The following TAOK3 variants were observed in gnomAD, a reference collection of about 807,000 sequenced individuals.
The protein encoded by TAOK3 is serine/threonine-protein kinase TAO3.
In TAOK3, 40 loss-of-function variants were observed where a neutral mutation model predicts 120.4. That is an observed-to-expected ratio of 0.33 (90% confidence interval 0.26 to 0.43). The LOEUF (loss-of-function observed/expected upper bound fraction) is 0.43, where lower values mean the gene tolerates loss of function less well. TAOK3 is among the 20% of genes least tolerant of loss of function. The pLI, the probability that TAOK3 is intolerant of heterozygous loss-of-function variation, is 1.00. For missense variants in TAOK3, 821 were observed against 1,112.1 expected (o/e 0.74, Z 3.72); for synonymous variants, 355 against 387.5 (o/e 0.92, Z 0.99).
intron 7 of TAOK3, among the ~76,000 whole-genome samples, chr12:118,237,626 GTATC>G (rs1313995223): frequency 1.3e-5 from 2 of 151,902 alleles, no homozygotes; most frequent in Non-Finnish European, 2.9e-5. Flanking sequence ...ATCTTCCTAA[GTATC>G]TATATGAACT....
chr12:118,224,553 A>C (rs2039410233), intron 9 of TAOK3, among the ~76,000 whole-genome samples: 2 of 152,240 alleles, frequency 1.3e-5, no homozygotes, highest in African/African-American at 4.8e-5. Context: ...CCTGTAGTTT[A>C]AACAGAAGAG....
chr12:118,257,075 G>T (rs763836623), intron 2 of TAOK3, among the ~76,000 whole-genome samples: 1 of 152,080 alleles, frequency 6.6e-6, no homozygotes, highest in African/African-American at 2.4e-5. Context: ...TGACTTTACT[G>T]TCTTAATTTT....
intron 1 of TAOK3, among the ~76,000 whole-genome samples, chr12:118,329,829 CATAAAGATTTGT>C (rs1360440168): frequency 1.3e-5 from 2 of 152,122 alleles, no homozygotes; most frequent in African/African-American, 4.8e-5. Context: ...TTAAGATTTG[CATAAAGATTTGT>C]ATATAGCCAC....
chr12:118,166,837 C>T (rs375011730), intron 17 of TAOK3, among the ~76,000 whole-genome samples: 1 of 132,988 alleles, frequency 7.5e-6, no homozygotes, highest in Non-Finnish European at 1.6e-5. Flanking sequence ...TACACACACA[C>T]ACACACACAT....
At chr12:118,282,723 TG>T (rs1382317124) in intron 1 of TAOK3, among the ~76,000 whole-genome samples, 1 of 152,202 alleles carries the variant, frequency 6.6e-6, no homozygotes, top group South Asian at 2.1e-4. Context: ...TCTGCTCTAC[TG>T]GACTCTTATC....
chr12:118,225,811 A>G (rs1479405737), intron 9 of TAOK3, among the ~76,000 whole-genome samples: 1 of 152,242 alleles, frequency 6.6e-6, no homozygotes, highest in Non-Finnish European at 1.5e-5. Context: ...GTTCATATAC[A>G]TTGATTAATC....
At chr12:118,329,507 C>T (rs1398126492) in intron 1 of TAOK3, among the ~76,000 whole-genome samples, 1 of 152,106 alleles carries the variant, frequency 6.6e-6, no homozygotes, top group African/African-American at 2.4e-5. Flanking sequence ...TAATATTAAA[C>T]ATCTGTCAAA....
chr12:118,229,437 TTA>T (rs1346925967), intron 9 of TAOK3, among the ~76,000 whole-genome samples: 1 of 152,150 alleles, frequency 6.6e-6, no homozygotes, highest in African/African-American at 2.4e-5. Flanking sequence ...TAGGAGTTAT[TTA>T]TAAATTTTGG....
intron 1 of TAOK3, among the ~76,000 whole-genome samples, chr12:118,315,483 A>G (rs964497111): frequency 6.6e-6 from 1 of 152,218 alleles, no homozygotes; most frequent in Non-Finnish European, 1.5e-5. Flanking sequence ...CACATAAATA[A>G]GAGTACAAAT....
chr12:118,274,214 A>G (rs2041827492), intron 1 of TAOK3, among the ~76,000 whole-genome samples: 1 of 152,186 alleles, frequency 6.6e-6, no homozygotes, highest in Non-Finnish European at 1.5e-5. Flanking sequence ...ATCCTGAGGT[A>G]AGAGAACTGC....
chr12:118,260,381 G>A (rs951843580), intron 2 of TAOK3, among the ~76,000 whole-genome samples: 1 of 152,076 alleles, frequency 6.6e-6, no homozygotes, highest in African/African-American at 2.4e-5. Context: ...AAGAATACTT[G>A]AAGGAATATA....
chr12:118,313,363 G>A (rs548528470), intron 1 of TAOK3, among the ~76,000 whole-genome samples: 2 of 151,732 alleles, frequency 1.3e-5, no homozygotes, highest in South Asian at 2.1e-4. Context: ...TGCAACCTCC[G>A]CCTCCTGGGT....
rs146827791 is a variant in TAOK3, at chr12:118,152,413, C to G, written c.2353-4G>C. ...CTTGAGCCTCATCTAGCCGTAACTG[C>G]GGACACAGAAGACACACACGGTCAT... On this transcript the variant is annotated splice_polypyrimidine_tract_variant and splice_region_variant and intron_variant, in intron 19 of 20. Transcript: ENST00000392533. The G allele has an allele frequency of 6.2e-7, 1 of 1,607,652 alleles. No individual in the cohort carries two copies. The highest frequency in any genetic ancestry group is 8.5e-7 in the Non-Finnish European group (1 of 1,177,834).
intron 9 of TAOK3, among the ~76,000 whole-genome samples, chr12:118,229,093 C>CT (rs1555226087): frequency 2.0e-5 from 3 of 150,854 alleles, no homozygotes; most frequent in African/African-American, 7.3e-5. Context: ...TTGGCTTTTT[C>CT]TTTTTTTTCC....
chr12:118,372,848 C>A lies in TAOK3; in HGVS notation c.-394G>T, dbSNP rs894428751. The A allele has an allele frequency of 6.5e-6, 1 of 153,524 alleles. No individual in the cohort carries two copies. Among genetic ancestry groups the A allele is most frequent in the Non-Finnish European group, 1.4e-5 (1 of 69,460 alleles). 9.5% of individuals were successfully genotyped at this position (153,524 alleles called of 1,614,324 possible). A position where few individuals can be genotyped will look rare whatever the true frequency, so the allele number is the denominator to read the frequency against. Reference sequence around the variant, plus strand: ...ACTCTCCACGCAGGACCCCGCCGCCCGGCGCCACAAGGACCCTCCCGCGGC... The same window carrying A: ...ACTCTCCACGCAGGACCCCGCCGCCAGGCGCCACAAGGACCCTCCCGCGGC... On this transcript the variant is annotated 5_prime_UTR_variant, in exon 1 of 21. Coordinates refer to ENST00000392533, the MANE Select transcript of TAOK3 (RefSeq NM_016281.4). The surrounding 1 kb of genome is among the most constrained non-coding windows in gnomAD (Gnocchi z 4.6).
intron 3 of TAOK3, among the ~76,000 whole-genome samples, chr12:118,245,792 T>C (rs557070673): frequency 9.2e-5 from 14 of 152,208 alleles, no homozygotes; most frequent in African/African-American, 3.4e-4. Context: ...GTTTAATATA[T>C]CAAACCAAAC....
At chr12:118,182,623 A>ATTT (rs1555215274) in intron 14 of TAOK3, among the ~76,000 whole-genome samples, 961 of 92,368 alleles carry the variant, frequency 0.01, 33 homozygotes, top group African/African-American at 0.034. Flanking sequence ...ATATATATAT[A>ATTT]TTTTTTTTTT....
rs975337631 is a variant in TAOK3 at position 118,197,605 on chromosome 12, G to C, written c.1194+1446C>G. 4.6e-5 allele frequency among the ~76,000 whole-genome samples: 7 copies of C among 152,012 alleles called. No individual in the cohort carries two copies. In the East Asian group the frequency reaches 1.4e-3, roughly 29 times the overall value. ...GCCCCCTCTACTCATAGAGCCCCAG[G>C]GGTAATAGAAAGGAAAGTGCCAGAC... On this transcript the variant is annotated intron_variant, in intron 13 of 20. Transcript: ENST00000392533.
chr12:118,205,756 G>A (rs756177152), intron 11 of TAOK3, among the ~76,000 whole-genome samples: 85 of 151,880 alleles, frequency 5.6e-4, no homozygotes, highest in Non-Finnish European at 9.9e-4. Flanking sequence ...GATTACAGGC[G>A]TGCACCATTA....
Sources: gnomAD v4.1 joint callset for allele counts (sites outside exome capture counted in the v4.1 genomes callset) on GRCh38, gnomAD v4.1.1 for gene constraint, Gnocchi (gnomAD v3.1) non-coding constraint, MANE v1.5 for transcripts, NCBI Gene and HGNC (gene_info 2026-07-23, HGNC 2026-07-21) for gene names.